Variants in CALD1 observed in about 807,000 individuals in gnomAD.
CALD1 encodes the protein caldesmon.
In CALD1, 33 loss-of-function variants were observed where a neutral mutation model predicts 99.9. That is an observed-to-expected ratio of 0.33 (90% CI 0.25 to 0.44). CALD1 has a LOEUF of 0.44. Ranked by LOEUF, CALD1 falls within the 20% of genes least tolerant of loss-of-function variation. The pLI is 1.00. For missense variants in CALD1, 861 were observed against 962.1 expected (o/e 0.89, Z 1.39); for synonymous variants, 310 against 325.0 (o/e 0.95, Z 0.50).
At chr7:134,749,549 G>A (rs1168733231) in intron 1 of CALD1, among the ~76,000 whole-genome samples, 1 of 152,192 alleles carries the variant, frequency 6.6e-6, no homozygotes, top group African/African-American at 2.4e-5. Flanking sequence ...AACCCAGGAA[G>A]TTGCAGTGAG....
intron 13 of CALD1, 119 bp from the exon 14 acceptor site, chr7:134,965,187 G>T: frequency 1.5e-6 from 1 of 679,588 alleles, no homozygotes; most frequent in South Asian, 1.7e-5. Context: ...GATCACTGGG[G>T]TAAAGTGTAT....
chr7:134,845,026 C>A (rs1799796154), intron 2 of CALD1, among the ~76,000 whole-genome samples: 1 of 152,182 alleles, frequency 6.6e-6, no homozygotes, highest in Non-Finnish European at 1.5e-5. Context: ...CTGCCACCAT[C>A]ATTTTCCCTC....
chr7:134,771,964 G>A (rs895602275), intron 1 of CALD1, among the ~76,000 whole-genome samples: 4 of 151,858 alleles, frequency 2.6e-5, no homozygotes, highest in African/African-American at 9.7e-5. Context: ...ATATATTCAT[G>A]TGTTAACTAA....
chr7:134,905,125 A>G (rs1313271994), intron 3 of CALD1, among the ~76,000 whole-genome samples: 1 of 152,114 alleles, frequency 6.6e-6, no homozygotes, highest in Admixed American at 6.5e-5. Context: ...ACTATCATCA[A>G]TGAAAAGGCA....
chr7:134,798,555 T>G (rs1284433633), intron 1 of CALD1, among the ~76,000 whole-genome samples: 5 of 152,192 alleles, frequency 3.3e-5, no homozygotes, highest in African/African-American at 1.2e-4. Flanking sequence ...AGCTTTGACA[T>G]TAATAGAAGG....
At chr7:134,913,309 T>C (rs1803958411) in intron 3 of CALD1, among the ~76,000 whole-genome samples, 2 of 152,154 alleles carry the variant, frequency 1.3e-5, no homozygotes, top group Non-Finnish European at 2.9e-5. Context: ...CATTTAAAAC[T>C]AAATGCCTAA....
chr7:134,825,389 T>C (rs546803151), intron 1 of CALD1, among the ~76,000 whole-genome samples: 211 of 152,252 alleles, frequency 1.4e-3, no homozygotes, highest in Non-Finnish European at 1.8e-3. Flanking sequence ...TAAATTTAAG[T>C]TTGGATTTCC....
chr7:134,743,886 T>A (rs866619982), upstream of CALD1, among the ~76,000 whole-genome samples: 1 of 152,218 alleles, frequency 6.6e-6, no homozygotes, highest in Non-Finnish European at 1.5e-5. Context: ...AGAATTCACA[T>A]GCGTAAAGTT....
chr7:134,808,950 A>G (rs1798253748), intron 1 of CALD1, among the ~76,000 whole-genome samples: 1 of 152,248 alleles, frequency 6.6e-6, no homozygotes, highest in Non-Finnish European at 1.5e-5. Flanking sequence ...TGAGGGGCTC[A>G]TTGCCAAGGG....
rs781587658 is a variant in CALD1 at position 134,783,594 on chromosome 7, G to A, written c.-130+3845G>A. ...AACTATGACCTGGGCTGTGAGGGAG[G>A]GGTGATGAGGTTGTTCCCTGTGTTG... On this transcript the variant is annotated intron_variant, in intron 1 of 14. Coordinates refer to ENST00000361675, the MANE Select transcript of CALD1 (RefSeq NM_033138.4). This position sits in a 1 kb window ranked among gnomAD's most constrained non-coding sequence, Gnocchi z 4.3. Among the ~76,000 whole-genome samples, 1 of 152,130 alleles carries A rather than the reference G, an allele frequency of 6.6e-6. No homozygotes were observed. Among genetic ancestry groups the A allele is most frequent in the Non-Finnish European group, 1.5e-5 (1 of 68,036 alleles).
intron 3 of CALD1, among the ~76,000 whole-genome samples, chr7:134,896,325 C>T (rs1475047720): frequency 2.2e-5 from 3 of 135,150 alleles, no homozygotes; most frequent in Non-Finnish European, 4.7e-5. Context: ...GGGAAACAAG[C>T]ATTTTGCATT....
At chr7:134,730,817 A>G in the CALD1 span, among the ~76,000 whole-genome samples, 5 of 152,128 alleles carry the variant, frequency 3.3e-5, no homozygotes, top group Non-Finnish European at 7.4e-5. Flanking sequence ...ACAGGCTGGA[A>G]TGTGCCTGGG....
intron 1 of CALD1, among the ~76,000 whole-genome samples, chr7:134,753,417 A>G (rs531989113): frequency 1.3e-5 from 2 of 152,350 alleles, no homozygotes; most frequent in African/African-American, 4.8e-5. Flanking sequence ...AGGTGCCACC[A>G]ATCACCAACT....
chr7:134,750,289 G>A (rs1796674455), intron 1 of CALD1, among the ~76,000 whole-genome samples: 1 of 152,020 alleles, frequency 6.6e-6, no homozygotes, highest in Non-Finnish European at 1.5e-5. Context: ...TACTGGCAGA[G>A]CCTAACAGGG....
At chr7:134,744,412 G>A (rs1057069640) in intron 1 of CALD1, 5 of 150,138 alleles carry the variant, frequency 3.3e-5, no homozygotes, top group Admixed American at 2.0e-4. Flanking sequence ...TTTAAAGTTG[G>A]TTTTAAACAT....
upstream of CALD1, among the ~76,000 whole-genome samples, chr7:134,777,662 A>T (rs1457615528): frequency 6.6e-6 from 1 of 152,206 alleles, no homozygotes; most frequent in African/African-American, 2.4e-5. Flanking sequence ...ACTTTCAAAC[A>T]GGCCTCACTG....
chr7:134,839,618 A>T (rs941836442), intron 1 of CALD1, among the ~76,000 whole-genome samples: 5 of 152,220 alleles, frequency 3.3e-5, no homozygotes, highest in Admixed American at 6.5e-5. Flanking sequence ...TTAGTTCATC[A>T]TAAGTTTCAA....
chr7:134,717,432 A>G, the CALD1 span, among the ~76,000 whole-genome samples: 1 of 152,236 alleles, frequency 6.6e-6, no homozygotes, highest in Non-Finnish European at 1.5e-5. Flanking sequence ...ACCAGGAATG[A>G]AATCGGAACA....
chr7:134,844,890 TA>T (rs1353591794), intron 2 of CALD1, among the ~76,000 whole-genome samples: 1 of 152,184 alleles, frequency 6.6e-6, no homozygotes, highest in Non-Finnish European at 1.5e-5. Context: ...AGGCCCACCC[TA>T]AAGACCTCAT....
Sources: gnomAD v4.1 joint callset for allele counts (sites outside exome capture counted in the v4.1 genomes callset) on GRCh38, gnomAD v4.1.1 for gene constraint, Gnocchi (gnomAD v3.1) non-coding constraint, MANE v1.5 for transcripts, NCBI Gene and HGNC (gene_info 2026-07-23, HGNC 2026-07-21) for gene names.